Variants in ZDHHC5 observed in about 807,000 individuals in gnomAD.
ZDHHC5 encodes the protein zDHHC palmitoyltransferase 5, also known as palmitoyltransferase ZDHHC5.
A neutral mutation model predicts 70.0 loss-of-function variants in ZDHHC5; 22 were observed. That is an observed-to-expected ratio of 0.31 (90% confidence interval 0.22 to 0.45). The LOEUF is 0.45. Among genes scored for constraint, ZDHHC5 ranks in the 20% least tolerant of loss-of-function variants. The pLI, the probability that ZDHHC5 is intolerant of heterozygous loss-of-function variation, is 1.00. For missense variants in ZDHHC5, 746 were observed against 926.9 expected (o/e 0.80, Z 2.53); for synonymous variants, 313 against 347.8 (o/e 0.90, Z 1.11).
Position 57,699,322 on chromosome 11 carries a change from C to T in ZDHHC5, c.1886C>T (p.Pro629Leu), listed in dbSNP as rs954582935. 8.1e-6 allele frequency: 13 copies of T among 1,613,498 alleles called. No homozygotes were observed. The highest frequency in any genetic ancestry group is 4.0e-5 in the African/African-American group (3 of 74,940). The change falls in exon 11 of 12, where the codon CCA (proline) becomes CTA (leucine). Residue 629 changes from proline to leucine, a missense_variant. Around this residue, in one of 6 missense-constraint regions of ZDHHC5, gnomAD observed 340 missense variants for 350.1 expected, o/e 0.97. Coordinates refer to ENST00000287169, the MANE Select transcript of ZDHHC5 (RefSeq NM_015457.3). ...VGSPEPGPTA[P>L]YLGRSMSYSS... ...TCCCCTGAACCAGGCCCAACAGCCC[C>T]ATACCTGGGCCGATCGATGTCTTAC... is the stretch of plus-strand genomic sequence containing the variant.
At chr11:57,670,398 G>T (rs1590853501) in intron 1 of ZDHHC5, among the ~76,000 whole-genome samples, 1 of 151,942 alleles carries the variant, frequency 6.6e-6, no homozygotes, top group African/African-American at 2.4e-5. Flanking sequence ...TTGAATCCGG[G>T]ACTCGGAGGT....
intron 6 of ZDHHC5, 38 bp downstream of exon 6, chr11:57,690,475 G>T: frequency 6.2e-7 from 1 of 1,603,038 alleles, no homozygotes; most frequent in South Asian, 1.1e-5. Context: ...TGAAGAGCAG[G>T]TCATGTCTCT....
chr11:57,687,756 G>GTTT (rs746146074), intron 3 of ZDHHC5, among the ~76,000 whole-genome samples: 2,439 of 75,280 alleles, frequency 0.032, 371 homozygotes, highest in African/African-American at 0.12. Flanking sequence ...TTTTGGGAAA[G>GTTT]TTTTTTTTTT....
At chr11:57,683,791 A>G (rs1298010601) in intron 3 of ZDHHC5, among the ~76,000 whole-genome samples, 1 of 152,148 alleles carries the variant, frequency 6.6e-6, no homozygotes, top group Non-Finnish European at 1.5e-5. Context: ...TGTAACGATC[A>G]GAGGAGGAGG....
Position 57,700,197 on chromosome 11 carries a change from T to C in ZDHHC5, c.*166T>C, listed in dbSNP as rs1946423081. ...TCTAAAATGCAGTAGGCTTGGGGAG[T>C]CGGAGAGTTGGGGCCCTGAGACTGG... On this transcript the variant is annotated 3_prime_UTR_variant, in exon 12 of 12. Transcript: ENST00000287169. The C allele has an allele frequency of 1.1e-6, 1 of 908,870 alleles. No homozygotes were observed. The highest frequency in any genetic ancestry group is 1.5e-6 in the Non-Finnish European group (1 of 645,686). 56.3% of individuals were successfully genotyped at this position (908,870 alleles called of 1,614,324 possible).
At chr11:57,690,629 G>A (rs1242989506) in intron 6 of ZDHHC5, among the ~76,000 whole-genome samples, 192 bp downstream of exon 6, 1 of 152,070 alleles carries the variant, frequency 6.6e-6, no homozygotes, top group Non-Finnish European at 1.5e-5. Context: ...AAGAATAGAG[G>A]CCATTTCTCA....
chr11:57,673,237 C>T, intron 2 of ZDHHC5, 43 bp downstream of exon 2: 1 of 1,587,840 alleles, frequency 6.3e-7, no homozygotes, highest in Non-Finnish European at 8.6e-7. Context: ...GGTGGATACT[C>T]CATGGGAAGT....
In ZDHHC5 at chr11:57,673,261, T is replaced by C; in HGVS notation, c.104+67T>C. On this transcript the variant is annotated intron_variant, in intron 2 of 11. Transcript: ENST00000287169. ...TCCATGGGAAGTGAGGAGATAACGC[T>C]TTCTCTTGAGTTTTGCAAAGCCAAG... 2.6e-6 allele frequency: 4 copies of C among 1,531,182 alleles called. No homozygotes were observed. The South Asian group carries it at 3.4e-5, about 13-fold the overall frequency. The allele number at this position is 1,531,182 out of a possible 1,614,324, so 94.8% of individuals were successfully genotyped here.
At chr11:57,685,444 C>T (rs919156791) in intron 3 of ZDHHC5, among the ~76,000 whole-genome samples, 6 of 151,558 alleles carry the variant, frequency 4.0e-5, no homozygotes, top group Non-Finnish European at 7.4e-5. Flanking sequence ...GTCAGGAGTT[C>T]GAGACCAGCC....
Position 57,698,870 on chromosome 11 carries a change from C to T in ZDHHC5, c.1434C>T (p.Asp478=), listed in dbSNP as rs751371240. 1.2e-6 allele frequency: 2 copies of T among 1,614,116 alleles called. No homozygotes were observed. Among genetic ancestry groups the T allele is most frequent in the Non-Finnish European group, 1.7e-6 (2 of 1,180,046 alleles). Residue 478 remains aspartate, a synonymous_variant, in exon 11 of 12, where the codon GAC becomes GAT. Transcript: ENST00000287169. The part of the protein sequence containing the change: ...LSYDSLLTPS[D]SPDFESVQAG... ...ATGACAGCTTGCTCACACCTTCAGA[C>T]AGCCCTGATTTTGAGTCAGTGCAGG... is the stretch of plus-strand genomic sequence containing the variant.
chr11:57,668,208 TC>T, intron 1 of ZDHHC5, 21 bp downstream of exon 1: 1 of 358,028 alleles, frequency 2.8e-6, no homozygotes, highest in Admixed American at 4.7e-5. Context: ...AGGACACCGG[TC>T]CCTGCGGAAC....
At position 57,695,952 on chromosome 11, in the gene ZDHHC5, G is replaced by A; in HGVS notation, c.918G>A (p.Gln306=). ...GAAGCCTGGAGATAACAGAGAGCCA[G>A]TCTGCAGATGCTGAACCTCCACCTC... ...SKGSLEITES[Q]SADAEPPPPP... The change falls in exon 9 of 12, where the codon CAG becomes CAA. Residue 306 remains glutamine, a synonymous_variant. Coordinates refer to ENST00000287169, the MANE Select transcript of ZDHHC5 (RefSeq NM_015457.3). 8 of 1,614,128 alleles carry A rather than the reference G, an allele frequency of 5.0e-6. No homozygotes were observed. Among genetic ancestry groups the A allele is most frequent in the Non-Finnish European group, 6.8e-6 (8 of 1,180,016 alleles).
Position 57,699,159 on chromosome 11 carries a change from C to A in ZDHHC5, c.1723C>A (p.Pro575Thr). Reference protein sequence around the residue: ...GLGDSGIQSTPGSGHAPRTSS... With the variant: ...GLGDSGIQSTTGSGHAPRTSS... The stretch of plus-strand genomic sequence containing the variant: ...GGGGGACTCAGGCATTCAGTCAACA[C>A]CAGGCTCGGGCCATGCCCCTCGTAC... The change falls in exon 11 of 12, where the codon CCA (proline) becomes ACA (threonine). Residue 575 changes from proline to threonine, a missense_variant. Physicochemically the swap from Pro to Thr is conservative, Grantham distance 38. Transcript: ENST00000287169. The A allele has an allele frequency of 6.2e-7, 1 of 1,614,276 alleles. No individual in the cohort carries two copies. The highest frequency in any genetic ancestry group is 8.5e-7 in the Non-Finnish European group (1 of 1,180,060).
In ZDHHC5 at chr11:57,700,055, A is replaced by T; in HGVS notation, c.*24A>T. On this transcript the variant is annotated 3_prime_UTR_variant, in exon 12 of 12. Coordinates refer to ENST00000287169, the MANE Select transcript of ZDHHC5 (RefSeq NM_015457.3). ...GAGCCTTCGGCACCTCCCCTCCCCA[A>T]CGCCTCTGCGCCTACACCAAAGGGC... 1 of 1,546,914 alleles carries T rather than the reference A, an allele frequency of 6.5e-7. No homozygotes were observed. Among genetic ancestry groups the T allele is most frequent in the South Asian group, 1.3e-5 (1 of 78,632 alleles).
chr11:57,686,005 T>C (rs746640995), intron 3 of ZDHHC5, among the ~76,000 whole-genome samples: 1 of 152,172 alleles, frequency 6.6e-6, no homozygotes, highest in Non-Finnish European at 1.5e-5. Context: ...CCAGCGACAG[T>C]GTGAGACTAC....
At chr11:57,689,427 G>A (rs778093805) in intron 4 of ZDHHC5, among the ~76,000 whole-genome samples, 29 of 151,812 alleles carry the variant, frequency 1.9e-4, no homozygotes, top group Non-Finnish European at 4.0e-4. Context: ...GCCCAGGCTG[G>A]AGTGCAATGG....
chr11:57,673,123 C>T lies in ZDHHC5; in HGVS notation c.33C>T (p.Pro11=), dbSNP rs766518682. 2.5e-6 allele frequency: 4 copies of T among 1,613,972 alleles called. No homozygotes were observed. Among genetic ancestry groups the T allele is most frequent in the Non-Finnish European group, 3.4e-6 (4 of 1,179,976 alleles). ...CAGAGTCTGGAAAGAGATTCAAACC[C>T]AGCAAGTATGTCCCGGTCTCTGCAG... The part of the protein sequence containing the change: MPAESGKRFK[P]SKYVPVSAAA... The change falls in exon 2 of 12, where the codon CCC becomes CCT. Residue 11 remains proline, a synonymous_variant. Coordinates refer to ENST00000287169, the MANE Select transcript of ZDHHC5 (RefSeq NM_015457.3).
intron 7 of ZDHHC5, 35 bp from the exon 8 acceptor site, chr11:57,693,748 G>GCTGTGTCTCTCTCTCTCT (rs1946314837): frequency 1.3e-6 from 2 of 1,517,222 alleles, no homozygotes; most frequent in Admixed American, 4.7e-5. Context: ...AAGCTCTCTC[G>GCTGTGTCTCTCTCTCTCT]CTGTGTCTCT....
rs1278567544 is a variant in ZDHHC5 at position 57,694,007 on chromosome 11, T to G, written c.885+92T>G. On this transcript the variant is annotated intron_variant, in intron 8 of 11. Transcript: ENST00000287169. Reference sequence around the variant, plus strand: ...TTGCTTTAGTTTCCTTTGTGTTTTTTTTTTTTTTTTTGAGACAGAGTCTTG... The same window carrying G: ...TTGCTTTAGTTTCCTTTGTGTTTTTGTTTTTTTTTTTGAGACAGAGTCTTG... 11 of 1,438,798 alleles carry G rather than the reference T, an allele frequency of 7.6e-6. No individual in the cohort carries two copies. In the East Asian group the frequency reaches 2.8e-4, roughly 37 times the overall value. 89.1% of individuals were successfully genotyped at this position (1,438,798 alleles called of 1,614,324 possible). A position where few individuals can be genotyped will look rare whatever the true frequency, so the allele number is the denominator to read the frequency against.
Sources: allele counts gnomAD v4.1 joint callset (sites outside exome capture counted in the v4.1 genomes callset), GRCh38; gene constraint gnomAD v4.1.1; regional missense constraint gnomAD v4.1.1; transcripts MANE v1.5; gene names NCBI Gene and HGNC (gene_info 2026-07-23, HGNC 2026-07-21).